PPFIA3: variants seen among roughly 807,000 people sequenced by gnomAD.
The protein encoded by PPFIA3 is liprin-alpha-3.
In PPFIA3, 26 loss-of-function variants were observed where a neutral mutation model predicts 145.8. That is an observed-to-expected ratio of 0.18 (90% CI 0.13 to 0.25). The LOEUF is 0.25. PPFIA3 is among the 10% of genes least tolerant of loss of function. The probability of loss-of-function intolerance (pLI) is 1.00; values close to 1 mark genes in which losing one functional copy is unlikely to be tolerated. For missense variants in PPFIA3, 1,008 were observed against 1,587.8 expected (o/e 0.63, Z 6.21); for synonymous variants, 645 against 661.4 (o/e 0.98, Z 0.38).
chr19:49,135,947 G>T, intron 14 of PPFIA3, 24 bp downstream of exon 14: 1 of 1,586,412 alleles, frequency 6.3e-7, no homozygotes, highest in Non-Finnish European at 8.6e-7. Flanking sequence ...TCTGGGTCCT[G>T]GACTGAGCAG....
chr19:49,128,324 A>G lies in PPFIA3; in HGVS notation c.241-43A>G, dbSNP rs977509414. The G allele has an allele frequency of 1.3e-6, 2 of 1,598,684 alleles. No homozygotes were observed. Among genetic ancestry groups the G allele is most frequent in the African/African-American group, 2.7e-5 (2 of 74,470 alleles). On this transcript the variant is annotated intron_variant, in intron 2 of 29. Transcript: ENST00000334186. The surrounding 1 kb of genome is among the most constrained non-coding windows in gnomAD (Gnocchi z 4.1). ...TCCCAGTGAATGAAGGAGACAGGGA[A>G]AGGATTGAGCCGAATGTCCAGATCC... is the stretch of plus-strand genomic sequence containing the variant.
chr19:49,148,060 C>T (rs1310706566), intron 23 of PPFIA3, 23 bp from the exon 24 acceptor site: 21 of 1,600,668 alleles, frequency 1.3e-5, no homozygotes, highest in Middle Eastern at 1.7e-4. Context: ...CCTGACTCTT[C>T]CCTCACCTGC....
intron 1 of PPFIA3, among the ~76,000 whole-genome samples, chr19:49,119,940 C>T (rs2040913812): frequency 6.6e-6 from 1 of 151,966 alleles, no homozygotes. Context: ...CCTCGCGCCT[C>T]CTCCAGGGCC....
chr19:49,128,014 C>T lies in PPFIA3; in HGVS notation c.141C>T (p.Arg47=). The stretch of plus-strand genomic sequence containing the variant: ...GCGAGCGCCTGCTGGAGACGCTGCG[C>T]GAGGCACAGGACGGGTTGGCTACAG... The part of the protein sequence containing the change: ...TERERLLETL[R]EAQDGLATAQ... Residue 47 remains arginine (R), a synonymous_variant, in exon 2 of 30, where the codon CGC becomes CGT. Transcript: ENST00000334186. This position sits in a 1 kb window ranked among gnomAD's most constrained non-coding sequence, Gnocchi z 4.1. 2 of 1,596,480 alleles carry T rather than the reference C, an allele frequency of 1.3e-6. No homozygotes were observed. The highest frequency in any genetic ancestry group is 1.7e-6 in the Non-Finnish European group (2 of 1,178,994).
intron 23 of PPFIA3, among the ~76,000 whole-genome samples, chr19:49,147,710 G>GAA (rs761095805): frequency 1.6e-5 from 2 of 127,348 alleles, no homozygotes; most frequent in Non-Finnish European, 3.4e-5. Context: ...GAGAGAGAGA[G>GAA]AAAGAGAGAA....
At chr19:49,129,353 T>G (rs1440250731) in intron 4 of PPFIA3, 27 bp from the exon 5 acceptor site, 4 of 1,548,058 alleles carry the variant, frequency 2.6e-6, no homozygotes, top group Non-Finnish European at 3.5e-6. Context: ...TGTCTCCAGC[T>G]GACTGTTGCC....
At chr19:49,136,592 T>A (rs962472132) in intron 14 of PPFIA3, 132 bp from the exon 15 acceptor site, 118 of 583,630 alleles carry the variant, frequency 2.0e-4, no homozygotes, top group Admixed American at 3.3e-4. Flanking sequence ...AAAAAATAAA[T>A]AAAATAAAAA....
rs375503419 is a variant in PPFIA3, at chr19:49,121,730, C to G, written c.-16+2008C>G. 1.8e-4 allele frequency among the ~76,000 whole-genome samples: 28 copies of G among 151,996 alleles called. No individual in the cohort carries two copies. In the East Asian group the frequency reaches 5.3e-3, roughly 29 times the overall value. On this transcript the variant is annotated intron_variant, in intron 1 of 29. Coordinates refer to ENST00000334186, the MANE Select transcript of PPFIA3 (RefSeq NM_003660.4). ...GGCGGAGGTTGCATTGAGCTGAGAT[C>G]GTGCCACTGCACTCCAGCCTGAACG...
At chr19:49,121,047 G>A (rs547271471) in intron 1 of PPFIA3, among the ~76,000 whole-genome samples, 28 of 152,248 alleles carry the variant, frequency 1.8e-4, no homozygotes, top group Admixed American at 2.0e-4. Context: ...CATCTCCTGT[G>A]GCCCTACCAA....
At chr19:49,145,866 C>T in intron 21 of PPFIA3, 77 bp from the exon 22 acceptor site, 3 of 1,340,112 alleles carry the variant, frequency 2.2e-6, no homozygotes, top group Non-Finnish European at 3.2e-6. Flanking sequence ...GGCCCAGGGC[C>T]TTCAGGAGGA....
In PPFIA3 at chr19:49,120,308, A is replaced by T. The variant is rs1430620212; in HGVS notation, c.-16+586A>T. Among the ~76,000 whole-genome samples, 2 of 151,492 alleles carry T rather than the reference A, an allele frequency of 1.3e-5. No individual in the cohort carries two copies. The highest frequency in any genetic ancestry group is 1.3e-4 in the Admixed American group (2 of 15,258). ...CCCGCCGCGCCTTTGACCCGGGAAT[A>T]CCCGGGCCCTCCCCGACCAGGGCGC... On this transcript the variant is annotated intron_variant, in intron 1 of 29. Transcript: ENST00000334186. This position sits in a 1 kb window ranked among gnomAD's most constrained non-coding sequence, Gnocchi z 4.6.
At position 49,149,526 on chromosome 19, in the gene PPFIA3, CT is replaced by C. The variant is rs1193825453; in HGVS notation, c.3355-20del. On this transcript the variant is annotated intron_variant, in intron 27 of 29. Transcript: ENST00000334186. This position sits in a 1 kb window ranked among gnomAD's most constrained non-coding sequence, Gnocchi z 5.7. ...AGACAAGGCAGGAGTCCCTCACCGG[CT>C]GTCCGGCTCCTATACCTAGGACAGC... The C allele has an allele frequency of 6.2e-7, 1 of 1,613,656 alleles. No homozygotes were observed. Among genetic ancestry groups the C allele is most frequent in the Admixed American group, 1.7e-5 (1 of 59,946 alleles).
In PPFIA3 at chr19:49,133,301, C is replaced by T. The variant is rs1335174291; in HGVS notation, c.1091C>T (p.Thr364Met). The stretch of plus-strand genomic sequence containing the variant: ...GACGCCAAGCAGAAGCTGCAGCAGA[C>T]GCTGCAGAAAGCGGAGACCTTGCCC... Reference protein sequence around the residue: ...LDDAKQKLQQTLQKAETLPEI... With the variant: ...LDDAKQKLQQMLQKAETLPEI... Residue 364 changes from threonine (T) to methionine (M), a missense_variant, in exon 9 of 30, where the codon ACG becomes ATG. Coordinates refer to ENST00000334186, the MANE Select transcript of PPFIA3 (RefSeq NM_003660.4). This position sits in a 1 kb window ranked among gnomAD's most constrained non-coding sequence, Gnocchi z 7.2. The T allele has an allele frequency of 6.2e-7, 1 of 1,610,608 alleles. No individual in the cohort carries two copies. The highest frequency in any genetic ancestry group is 8.5e-7 in the Non-Finnish European group (1 of 1,179,062).
intron 21 of PPFIA3, 37 bp from the exon 22 acceptor site, chr19:49,145,906 C>T: frequency 6.3e-7 from 1 of 1,597,322 alleles, no homozygotes; most frequent in Non-Finnish European, 8.6e-7. Flanking sequence ...CACGCGAAGC[C>T]CTCTCCCACC....
chr19:49,139,899 G>T lies in PPFIA3; in HGVS notation c.2241-62G>T, dbSNP rs2041196113. On this transcript the variant is annotated intron_variant, in intron 17 of 29. Transcript: ENST00000334186. Reference sequence around the variant, plus strand: ...GGAAGATGAGAAGGGGGTGGACAAGGACTTGGGAGGAGAGGGGGCATCTCA... The same window carrying T: ...GGAAGATGAGAAGGGGGTGGACAAGTACTTGGGAGGAGAGGGGGCATCTCA... The T allele has an allele frequency of 3.7e-6, 6 of 1,613,058 alleles. No individual in the cohort carries two copies. In the African/African-American group the frequency reaches 8.0e-5, roughly 21 times the overall value.
At chr19:49,122,436 A>G (rs1036670119) in intron 1 of PPFIA3, among the ~76,000 whole-genome samples, 6 of 152,104 alleles carry the variant, frequency 3.9e-5, no homozygotes, top group Non-Finnish European at 8.8e-5. Context: ...TGATCCCACC[A>G]TATCCTCAGA....
intron 25 of PPFIA3, 72 bp from the exon 26 acceptor site, chr19:49,148,921 G>T: frequency 6.3e-7 from 1 of 1,588,550 alleles, no homozygotes; most frequent in Non-Finnish European, 8.6e-7. Flanking sequence ...CCAAATGGAG[G>T]TGGAGGTATG....
Position 49,128,466 on chromosome 19 carries a change from C to A in PPFIA3, c.340C>A (p.Arg114=), listed in dbSNP as rs747878042. 2 of 1,185,188 alleles carry A rather than the reference C, an allele frequency of 1.7e-6. No homozygotes were observed. The highest frequency in any genetic ancestry group is 2.8e-5 in the South Asian group (2 of 70,850). The allele number at this position is 1,185,188 out of a possible 1,614,324, so 73.4% of individuals were successfully genotyped here. A position where few individuals can be genotyped will look rare whatever the true frequency, so the allele number is the denominator to read the frequency against. Residue 114 remains arginine (R), a splice_region_variant and synonymous_variant, in exon 3 of 30, where the codon CGG becomes AGG. Transcript: ENST00000334186. This position sits in a 1 kb window ranked among gnomAD's most constrained non-coding sequence, Gnocchi z 4.1. ...GCTGAAGGCGGAACGGAACAACACG[C>A]GGGTGAGGGGTGTTGAGGGCGGGGC... The part of the protein sequence containing the change: ...AELKAERNNT[R]LLLEHLECLV...
intron 20 of PPFIA3, among the ~76,000 whole-genome samples, chr19:49,142,473 GA>G (rs2041234473): frequency 6.6e-6 from 1 of 151,648 alleles, no homozygotes; most frequent in East Asian, 1.9e-4. Context: ...TCGCCCTGCC[GA>G]TGTCTCCCTG....
Sources: allele counts gnomAD v4.1 joint callset (sites outside exome capture counted in the v4.1 genomes callset), GRCh38; gene constraint gnomAD v4.1.1; non-coding constraint Gnocchi (gnomAD v3.1); transcripts MANE v1.5; gene names NCBI Gene and HGNC (gene_info 2026-07-23, HGNC 2026-07-21).